FER1L6: variants seen among roughly 807,000 people sequenced by gnomAD.
The protein encoded by FER1L6 is fer-1 like family member 6, also known as fer-1-like protein 6.
FER1L6 carries 177 observed loss-of-function variants against 219.2 expected under a neutral mutation model. The observed-to-expected ratio is 0.81, with a 90% CI of 0.71 to 0.91. The LOEUF is 0.91. Ranked by LOEUF, FER1L6 falls within the 40% of genes least tolerant of loss-of-function variation. FER1L6 has a pLI of 0.00. For synonymous variants in FER1L6, 768 were observed against 824.3 expected (o/e 0.93, Z 1.17); for missense variants, 2,153 against 2,259.9 (o/e 0.95, Z 0.96).
chr8:124,055,977 C>T (rs1820277159), intron 22 of FER1L6, among the ~76,000 whole-genome samples: 2 of 152,144 alleles, frequency 1.3e-5, no homozygotes, highest in South Asian at 4.2e-4. Context: ...GTCTCTTTCT[C>T]CCCCGAGCCT....
intron 1 of FER1L6, among the ~76,000 whole-genome samples, chr8:123,890,024 T>C (rs944443943): frequency 2.6e-5 from 4 of 152,166 alleles, no homozygotes; most frequent in African/African-American, 9.6e-5. Flanking sequence ...CTAATTAACA[T>C]TGCTCATAGT....
intron 1 of FER1L6, among the ~76,000 whole-genome samples, chr8:123,944,281 CTTA>C (rs983155114): frequency 1.4e-4 from 21 of 148,418 alleles, no homozygotes; most frequent in African/African-American, 4.9e-4. Context: ...ATATATTCAT[CTTA>C]TTATATATAT....
intron 1 of FER1L6, among the ~76,000 whole-genome samples, chr8:123,868,421 T>A (rs1816872733): frequency 6.6e-6 from 1 of 152,188 alleles, no homozygotes; most frequent in Admixed American, 6.5e-5. Context: ...TCTTGCTAGA[T>A]GGAGTCAGTT....
In FER1L6 at chr8:124,084,256, G is replaced by A. The variant is rs149166290; in HGVS notation, c.4391+1798G>A. On this transcript the variant is annotated intron_variant, in intron 33 of 40. Transcript: ENST00000522917. ...CAATTTGGATGCCCTTTATTTCTTTGTCTTATCTGATTGCTCTAGCTAGGA... is the reference window on the plus strand; with the variant it reads ...CAATTTGGATGCCCTTTATTTCTTTATCTTATCTGATTGCTCTAGCTAGGA... Among the ~76,000 whole-genome samples the A allele has an allele frequency of 5.3e-3, 793 of 150,140 alleles. 7 individuals are homozygous for A. Among genetic ancestry groups the A allele is most frequent in the African/African-American group, 0.017 (704 of 40,790 alleles).
chr8:124,035,315 A>G lies in FER1L6; in HGVS notation c.2325A>G (p.Ala775=). The change falls in exon 19 of 41, where the codon GCA becomes GCG. Residue 775 remains alanine (A), a synonymous_variant. Coordinates refer to ENST00000522917, the MANE Select transcript of FER1L6 (RefSeq NM_001039112.2). ...GKRPAGWSVQ[A]KVDVYLWLGS... ...GACCGGCTGGTTGGTCTGTGCAAGC[A>G]AAAGTCGACGTGTACCTGTGGCTGG... The G allele has an allele frequency of 1.2e-6, 2 of 1,614,114 alleles. No homozygotes were observed. The highest frequency in any genetic ancestry group is 1.7e-6 in the Non-Finnish European group (2 of 1,179,972).
At chr8:123,944,663 A>T (rs934562657) in intron 1 of FER1L6, among the ~76,000 whole-genome samples, 4 of 152,196 alleles carry the variant, frequency 2.6e-5, no homozygotes, top group African/African-American at 9.7e-5. Context: ...AATTACAAGC[A>T]TAGAGAAGTT....
intron 39 of FER1L6, among the ~76,000 whole-genome samples, chr8:124,118,153 C>T (rs1823325349): frequency 6.6e-6 from 1 of 152,114 alleles, no homozygotes; most frequent in Admixed American, 6.5e-5. Flanking sequence ...CCCAAAAGTG[C>T]CGAATGAAGG....
chr8:123,980,254 G>A (rs568923142), intron 10 of FER1L6, among the ~76,000 whole-genome samples: 1 of 152,260 alleles, frequency 6.6e-6, no homozygotes, highest in South Asian at 2.1e-4. Context: ...GGCATTTATG[G>A]TATTAGTACA....
At chr8:123,957,108 T>C (rs962745415) in intron 2 of FER1L6, among the ~76,000 whole-genome samples, 2 of 152,210 alleles carry the variant, frequency 1.3e-5, no homozygotes, top group African/African-American at 4.8e-5. Flanking sequence ...TAATCTTCAC[T>C]CCTCTTGTCT....
rs117340069 is a variant in FER1L6, at chr8:123,892,155, A to G, written c.-8+39970A>G. On this transcript the variant is annotated intron_variant, in intron 1 of 40. Coordinates refer to ENST00000522917, the MANE Select transcript of FER1L6 (RefSeq NM_001039112.2). ...TTGTTTATAAGGCTCTATTAAAATT[A>G]GCTTTAACATTAATAATACACCATA... Among the ~76,000 whole-genome samples, 708 of 152,330 alleles carry G rather than the reference A, an allele frequency of 4.6e-3. 2 individuals are homozygous for G. Among genetic ancestry groups the G allele is most frequent in the Middle Eastern group, 0.017 (5 of 294 alleles).
chr8:124,088,649 C>T (rs1007026454), intron 33 of FER1L6, among the ~76,000 whole-genome samples: 7 of 151,978 alleles, frequency 4.6e-5, no homozygotes, highest in African/African-American at 1.7e-4. Flanking sequence ...AACCCAAGGC[C>T]CATGGCAAGT....
At chr8:123,932,408 T>C (rs1813807141) in intron 1 of FER1L6, among the ~76,000 whole-genome samples, 1 of 152,194 alleles carries the variant, frequency 6.6e-6, no homozygotes, top group African/African-American at 2.4e-5. Flanking sequence ...CGTGCCAGGC[T>C]CCGTATTTAT....
intron 33 of FER1L6, among the ~76,000 whole-genome samples, chr8:124,086,238 T>TA (rs1821780517): frequency 6.6e-6 from 1 of 152,172 alleles, no homozygotes; most frequent in South Asian, 2.1e-4. Flanking sequence ...TCTTCCATTT[T>TA]AAAATTTGTT....
intron 14 of FER1L6, among the ~76,000 whole-genome samples, chr8:124,011,912 T>C (rs1817952273): frequency 6.6e-6 from 1 of 152,238 alleles, no homozygotes; most frequent in Admixed American, 6.5e-5. Flanking sequence ...TGATAGCCAC[T>C]AAATAATTAT....
chr8:123,988,160 T>C (rs1816686453), intron 12 of FER1L6, among the ~76,000 whole-genome samples: 1 of 152,116 alleles, frequency 6.6e-6, no homozygotes, highest in East Asian at 1.9e-4. Context: ...TATTTCTGGG[T>C]TCTCTATTCT....
Position 124,119,617 on chromosome 8 carries a change from A to G in FER1L6, c.5401A>G (p.Thr1801Ala). 9.3e-6 allele frequency: 15 copies of G among 1,611,490 alleles called. No individual in the cohort carries two copies. Among genetic ancestry groups the G allele is most frequent in the Non-Finnish European group, 1.1e-5 (13 of 1,178,278 alleles). ...EPLAKPNRPD[T>A]SFSWFMSPFK... ...TTCCTTCCCCCTCAGCCGCCCAGAC[A>G]CCTCCTTTTCGTGGTTCATGAGCCC... The change falls in exon 41 of 41, where the codon ACC (threonine) becomes GCC (alanine). Residue 1801 changes from threonine (T) to alanine (A), a missense_variant. By Grantham distance (58) the Thr-to-Ala change is moderately conservative. Transcript: ENST00000522917.
At chr8:124,070,197 T>C (rs1563780161) in intron 29 of FER1L6, among the ~76,000 whole-genome samples, 1 of 152,136 alleles carries the variant, frequency 6.6e-6, no homozygotes, top group African/African-American at 2.4e-5. Context: ...CTCTAAAAGG[T>C]TTGTTGTATC....
chr8:124,028,253 A>G (rs1818793755), intron 18 of FER1L6, among the ~76,000 whole-genome samples: 1 of 152,194 alleles, frequency 6.6e-6, no homozygotes, highest in African/African-American at 2.4e-5. Context: ...TCCTTTTGCC[A>G]TTGGAATTGC....
At chr8:123,864,334 C>G (rs1019577097) in intron 1 of FER1L6, among the ~76,000 whole-genome samples, 9 of 148,872 alleles carry the variant, frequency 6.0e-5, no homozygotes, top group Admixed American at 5.3e-4. Context: ...TGTAGGGTTT[C>G]TGCCTAGAGA....
Sources: gnomAD v4.1 joint callset for allele counts (sites outside exome capture counted in the v4.1 genomes callset) on GRCh38, gnomAD v4.1.1 for gene constraint, MANE v1.5 for transcripts, NCBI Gene and HGNC (gene_info 2026-07-23, HGNC 2026-07-21) for gene names.